NBL1: variants seen among roughly 807,000 people sequenced by gnomAD.
NBL1 encodes NBL1, DAN family BMP antagonist.
Under a neutral mutation model 16.0 loss-of-function variants are expected in NBL1, and 9 were observed. The observed-to-expected ratio is 0.56, with a 90% CI of 0.34 to 0.98. The LOEUF is 0.98. Among genes scored for constraint, NBL1 ranks in the 50% least tolerant of loss-of-function variants. The probability of loss-of-function intolerance (pLI) is 0.02; values close to 1 mark genes in which losing one functional copy is unlikely to be tolerated. For synonymous variants in NBL1, 86 were observed against 100.7 expected (o/e 0.85, Z 0.87); for missense variants, 196 against 243.1 (o/e 0.81, Z 1.29).
chr1:19,657,727 C>G lies in NBL1; in HGVS notation c.*598C>G, dbSNP rs2095063952. The G allele has an allele frequency of 6.5e-6, 1 of 152,684 alleles. No individual in the cohort carries two copies. Among genetic ancestry groups the G allele is most frequent in the African/African-American group, 2.4e-5 (1 of 41,414 alleles). 9.5% of individuals were successfully genotyped at this position (152,684 alleles called of 1,614,324 possible). ...TTTGGGAGTCAGGCCTGGGCAGGACCCTGCTGACTCGTGGCGCGGGAGCTG... is the reference window on the plus strand; with the variant it reads ...TTTGGGAGTCAGGCCTGGGCAGGACGCTGCTGACTCGTGGCGCGGGAGCTG... On this transcript the variant is annotated 3_prime_UTR_variant, in exon 4 of 4. Coordinates refer to ENST00000375136, the MANE Select transcript of NBL1 (RefSeq NM_005380.8).
At chr1:19,650,726 C>T (rs944571251) in intron 1 of NBL1, among the ~76,000 whole-genome samples, 4 of 150,786 alleles carry the variant, frequency 2.7e-5, no homozygotes, top group East Asian at 1.9e-4. Flanking sequence ...AAGGAAAGTA[C>T]GATCGCTGCT....
At chr1:19,645,650 C>T in intron 1 of NBL1, 4 of 1,156,636 alleles carry the variant, frequency 3.5e-6, no homozygotes, top group Non-Finnish European at 4.3e-6. Context: ...GCTGGGGCTG[C>T]TTGGGCGTGG....
At chr1:19,649,619 A>G (rs1327080694) in intron 1 of NBL1, among the ~76,000 whole-genome samples, 1 of 152,144 alleles carries the variant, frequency 6.6e-6, no homozygotes, top group Non-Finnish European at 1.5e-5. Context: ...CGATCTCCCA[A>G]AATGCTGGGA....
At position 19,644,490 on chromosome 1, in the gene NBL1, G is replaced by A; in HGVS notation, c.-20+44G>A. The A allele has an allele frequency of 3.1e-6, 3 of 969,140 alleles. No individual in the cohort carries two copies. Among genetic ancestry groups the A allele is most frequent in the Non-Finnish European group, 3.7e-6 (3 of 817,982 alleles). The allele number at this position is 969,140 out of a possible 1,614,324, so 60.0% of individuals were successfully genotyped here. A position where few individuals can be genotyped will look rare whatever the true frequency, so the allele number is the denominator to read the frequency against. ...GGCACGCGGGCGCCCGGCTTCCAGA[G>A]GCTTCGGCCGCGGGGGCAGTGCCGC... On this transcript the variant is annotated intron_variant, in intron 1 of 3. Coordinates refer to ENST00000375136, the MANE Select transcript of NBL1 (RefSeq NM_005380.8). The surrounding 1 kb of genome is among the most constrained non-coding windows in gnomAD (Gnocchi z 4.6).
intron 1 of NBL1, among the ~76,000 whole-genome samples, chr1:19,648,394 A>G (rs1037223885): frequency 7.9e-5 from 12 of 152,132 alleles, no homozygotes; most frequent in African/African-American, 2.9e-4. Context: ...GAGCACATTC[A>G]GGTGCCCAGG....
At chr1:19,654,853 T>G (rs1163128910) in intron 1 of NBL1, among the ~76,000 whole-genome samples, 159 bp from the exon 2 acceptor site, 1 of 152,186 alleles carries the variant, frequency 6.6e-6, no homozygotes, top group Non-Finnish European at 1.5e-5. Flanking sequence ...ATTGTGAGAT[T>G]CAGAGGGGAG....
chr1:19,647,569 G>A (rs1487555927), intron 1 of NBL1: 2 of 983,726 alleles, frequency 2.0e-6, no homozygotes, highest in African/African-American at 1.7e-5. Flanking sequence ...AGGTGGGAGA[G>A]GCAGGGGAGG....
chr1:19,648,081 A>G (rs1157878196), intron 1 of NBL1, among the ~76,000 whole-genome samples: 1 of 151,914 alleles, frequency 6.6e-6, no homozygotes, highest in Non-Finnish European at 1.5e-5. Context: ...TCTGGCCTTG[A>G]GTGACCTTGA....
At position 19,657,592 on chromosome 1, in the gene NBL1, A is replaced by G. The variant is rs1023758186; in HGVS notation, c.*463A>G. On this transcript the variant is annotated 3_prime_UTR_variant, in exon 4 of 4. Transcript: ENST00000375136. ...GCTGGGCTAGAAAGACCACTGGCAGAAACAGGAGGCTCCGGCCCACAGGTT... is the reference window on the plus strand; with the variant it reads ...GCTGGGCTAGAAAGACCACTGGCAGGAACAGGAGGCTCCGGCCCACAGGTT... 3.1e-5 allele frequency: 2 copies of G among 63,726 alleles called. No individual in the cohort carries two copies. The highest frequency in any genetic ancestry group is 1.4e-4 in the African/African-American group (2 of 14,218). 3.9% of individuals were successfully genotyped at this position (63,726 alleles called of 1,614,324 possible). A position where few individuals can be genotyped will look rare whatever the true frequency, so the allele number is the denominator to read the frequency against.
At chr1:19,650,891 G>A (rs1353179848) in intron 1 of NBL1, among the ~76,000 whole-genome samples, 3 of 152,190 alleles carry the variant, frequency 2.0e-5, no homozygotes, top group African/African-American at 7.2e-5. Flanking sequence ...CAGGAGGGTG[G>A]GCGGAGGCAG....
chr1:19,657,416 G>C lies in NBL1; in HGVS notation c.*287G>C, dbSNP rs1359529407. The C allele has an allele frequency of 4.9e-6, 1 of 203,280 alleles. No homozygotes were observed. The highest frequency in any genetic ancestry group is 2.3e-5 in the African/African-American group (1 of 43,520). 12.6% of individuals were successfully genotyped at this position (203,280 alleles called of 1,614,324 possible). The stretch of plus-strand genomic sequence containing the variant: ...GTCTGGCTTCTAGAGATGTGCCTGT[G>C]GGAGGGGGAGGAAGTTGGCTGAGCC... On this transcript the variant is annotated 3_prime_UTR_variant, in exon 4 of 4. Coordinates refer to ENST00000375136, the MANE Select transcript of NBL1 (RefSeq NM_005380.8).
At chr1:19,655,267 C>T in intron 2 of NBL1, 57 bp from the exon 3 acceptor site, 3 of 1,611,452 alleles carry the variant, frequency 1.9e-6, no homozygotes, top group South Asian at 2.2e-5. Flanking sequence ...AGGACCAGGG[C>T]TGCCCATCCC....
chr1:19,643,949 G>A, upstream of NBL1: 1 of 985,944 alleles, frequency 1.0e-6, no homozygotes, highest in Non-Finnish European at 1.2e-6. This position sits in a 1 kb window ranked among gnomAD's most constrained non-coding sequence, Gnocchi z 4.7. Flanking sequence ...TGACGGCCCA[G>A]GCTCGGTAAA....
intron 1 of NBL1, among the ~76,000 whole-genome samples, chr1:19,649,709 G>T (rs1203624345): frequency 1.3e-5 from 2 of 151,414 alleles, no homozygotes; most frequent in African/African-American, 4.9e-5. Context: ...TTTCTTTCAT[G>T]ATTGTGTAGT....
intron 1 of NBL1, chr1:19,646,114 C>A: frequency 1.3e-6 from 2 of 1,486,434 alleles, no homozygotes; most frequent in Non-Finnish European, 1.8e-6. Flanking sequence ...CTGGGTGGCA[C>A]GGGGTCGGCC....
rs565057560 is a variant in NBL1, at chr1:19,657,250, C to T, written c.*121C>T. On this transcript the variant is annotated 3_prime_UTR_variant, in exon 4 of 4. Coordinates refer to ENST00000375136, the MANE Select transcript of NBL1 (RefSeq NM_005380.8). ...CACTGGATGGACTTGGCTTCAGACTCGGACTTGAATGCTGCCCGGTTGCCA... is the reference window on the plus strand; with the variant it reads ...CACTGGATGGACTTGGCTTCAGACTTGGACTTGAATGCTGCCCGGTTGCCA... 64 of 568,884 alleles carry T rather than the reference C, an allele frequency of 1.1e-4. 1 individual carries two copies. Among genetic ancestry groups the T allele is most frequent in the African/African-American group, 1.0e-3 (56 of 53,632 alleles). 35.2% of individuals were successfully genotyped at this position (568,884 alleles called of 1,614,324 possible).
At chr1:19,647,510 G>A (rs1470130691) in intron 1 of NBL1, 9 of 538,850 alleles carry the variant, frequency 1.7e-5, no homozygotes, top group Non-Finnish European at 2.1e-5. Context: ...TGTGGAGAAT[G>A]GAGGAGGAGA....
At position 19,656,448 on chromosome 1, in the gene NBL1, C is replaced by T. The variant is rs191453207; in HGVS notation, c.283-418C>T. On this transcript the variant is annotated intron_variant, in intron 3 of 3. Transcript: ENST00000375136. Reference sequence around the variant, plus strand: ...TTCCAGGCAAAGGGAACAGCATGTGCGGAGTCCCTGAGGCAGAGCCCAAGC... The same window carrying T: ...TTCCAGGCAAAGGGAACAGCATGTGTGGAGTCCCTGAGGCAGAGCCCAAGC... Among the ~76,000 whole-genome samples the T allele has an allele frequency of 1.4e-3, 217 of 151,346 alleles. 1 individual carries two copies. Among genetic ancestry groups the T allele is most frequent in the African/African-American group, 5.0e-3 (206 of 41,176 alleles).
In NBL1 at chr1:19,644,575, G is replaced by A; in HGVS notation, c.-20+129G>A. The A allele has an allele frequency of 2.1e-6, 1 of 471,164 alleles. No individual in the cohort carries two copies. The highest frequency in any genetic ancestry group is 2.8e-6 in the Non-Finnish European group (1 of 360,660). The allele number at this position is 471,164 out of a possible 1,614,324, so 29.2% of individuals were successfully genotyped here. A position where few individuals can be genotyped will look rare whatever the true frequency, so the allele number is the denominator to read the frequency against. The stretch of plus-strand genomic sequence containing the variant: ...CGGCGGCCGCGGGCACCGGGTGGAG[G>A]CGCCGCCGCCGAGCTCAGGAGCCCT... On this transcript the variant is annotated intron_variant, in intron 1 of 3. Transcript: ENST00000375136. The surrounding 1 kb of genome is among the most constrained non-coding windows in gnomAD (Gnocchi z 4.6).
Sources: gnomAD v4.1 joint callset for allele counts (sites outside exome capture counted in the v4.1 genomes callset) on GRCh38, gnomAD v4.1.1 for gene constraint, Gnocchi (gnomAD v3.1) non-coding constraint, MANE v1.5 for transcripts, NCBI Gene and HGNC (gene_info 2026-07-23, HGNC 2026-07-21) for gene names.